Variants in CYP19A1 observed in about 807,000 individuals in gnomAD.
CYP19A1 encodes the protein cytochrome P450 family 19 subfamily A member 1.
In CYP19A1, 32 loss-of-function variants were observed where a neutral mutation model predicts 44.4. The ratio of observed to expected loss-of-function variants is 0.72; its 90% confidence interval spans 0.54 to 0.97. The LOEUF (loss-of-function observed/expected upper bound fraction) is 0.97. CYP19A1 is among the 50% of genes least tolerant of loss of function. The pLI, the probability that CYP19A1 is intolerant of heterozygous loss-of-function variation, is 0.00. For missense variants in CYP19A1, 598 were observed against 637.8 expected (o/e 0.94, Z 0.67); for synonymous variants, 212 against 215.6 (o/e 0.98, Z 0.14).
At chr15:51,275,921 C>T (rs28757136) in intron 1 of CYP19A1, among the ~76,000 whole-genome samples, 3 of 152,152 alleles carry the variant, frequency 2.0e-5, no homozygotes, top group Non-Finnish European at 2.9e-5. Flanking sequence ...TGTGTCCCCC[C>T]GGCCAGCCCC....
intron 1 of CYP19A1, chr15:51,255,805 C>G (rs2034492326): frequency 6.6e-6 from 1 of 152,124 alleles, no homozygotes; most frequent in African/African-American, 2.4e-5. Flanking sequence ...GAACAAGCAC[C>G]CTGGAGGTGA....
chr15:51,328,937 A>C lies in CYP19A1; in HGVS notation c.-39+9558T>G, dbSNP rs78407873. Among the ~76,000 whole-genome samples, 2,314 of 152,222 alleles carry C rather than the reference A, an allele frequency of 0.015. 198 individuals carry two copies. The East Asian group carries it at 0.25, about 17-fold the overall frequency. On this transcript the variant is annotated intron_variant, in intron 1 of 9. Transcript: ENST00000396402. ...GATGCTGGCTTCTTCCTGCCTTCAG[A>C]TACAAACTGAAACATTGGCTCTTCC...
chr15:51,284,639 A>T (rs2035637637), intron 1 of CYP19A1, among the ~76,000 whole-genome samples: 1 of 152,246 alleles, frequency 6.6e-6, no homozygotes, highest in South Asian at 2.1e-4. Flanking sequence ...CTGCATATGT[A>T]ATTGCATTTA....
At position 51,236,897 on chromosome 15, in the gene CYP19A1, T is replaced by A. The variant is rs1482551962; in HGVS notation, c.258A>T (p.Arg86=). ...YYNRVYGEFM[R]VWISGEETLI... ...GTGTTTCCTCTCCAGAGATCCAGAC[T>A]CGCATGAATTCTCCATATACCCGGT... Residue 86 remains arginine (R), a synonymous_variant, in exon 3 of 10, where the codon CGA becomes CGT. Transcript: ENST00000396402. 1 of 1,614,090 alleles carries A rather than the reference T, an allele frequency of 6.2e-7. No homozygotes were observed. Among genetic ancestry groups the A allele is most frequent in the African/African-American group, 1.3e-5 (1 of 74,942 alleles).
At chr15:51,249,457 C>T (rs1381299504) in intron 1 of CYP19A1, among the ~76,000 whole-genome samples, 4 of 152,130 alleles carry the variant, frequency 2.6e-5, no homozygotes, top group Non-Finnish European at 4.4e-5. Flanking sequence ...TTTTTCTCTC[C>T]GACATGGGTC....
In CYP19A1 at chr15:51,218,497, C is replaced by G. The variant is rs59196885; in HGVS notation, c.743+44G>C. The G allele has an allele frequency of 4.5e-5, 71 of 1,577,742 alleles. No individual in the cohort carries two copies. In the African/African-American group the frequency reaches 6.8e-4, roughly 15 times the overall value. Reference sequence around the variant, plus strand: ...CAGCAAAGACACAAGGGAAAAAAACCAATCCAATTGTACTCATAAATCTTC... The same window carrying G: ...CAGCAAAGACACAAGGGAAAAAAACGAATCCAATTGTACTCATAAATCTTC... On this transcript the variant is annotated intron_variant, in intron 6 of 9. Transcript: ENST00000396402.
chr15:51,297,128 C>T (rs989523260), intron 1 of CYP19A1, among the ~76,000 whole-genome samples: 5 of 152,196 alleles, frequency 3.3e-5, no homozygotes, highest in Non-Finnish European at 5.9e-5. Flanking sequence ...AACAGGTTCG[C>T]GCAGCCCTAG....
chr15:51,232,450 C>T (rs1490646290), intron 3 of CYP19A1, among the ~76,000 whole-genome samples: 1 of 152,128 alleles, frequency 6.6e-6, no homozygotes, highest in Non-Finnish European at 1.5e-5. Flanking sequence ...TAGTTTCTGA[C>T]CTATTTACAC....
chr15:51,212,588 GA>G, intron 8 of CYP19A1, 27 bp from the exon 9 acceptor site: 1 of 1,376,294 alleles, frequency 7.3e-7, no homozygotes, highest in Non-Finnish European at 1.0e-6. Flanking sequence ...AAGGAACAAA[GA>G]AGGTAATGTT....
intron 1 of CYP19A1, among the ~76,000 whole-genome samples, chr15:51,302,262 A>G (rs1419486102): frequency 1.3e-5 from 2 of 152,140 alleles, no homozygotes; most frequent in African/African-American, 4.8e-5. Flanking sequence ...GGGCATATTC[A>G]CTTTTTGGGG....
chr15:51,263,793 G>T (rs1270538931), intron 1 of CYP19A1, among the ~76,000 whole-genome samples: 1 of 152,228 alleles, frequency 6.6e-6, no homozygotes, highest in Non-Finnish European at 1.5e-5. Flanking sequence ...CTGAGAGGAA[G>T]AAATGAGATT....
chr15:51,278,470 T>C (rs2035405078), intron 1 of CYP19A1, among the ~76,000 whole-genome samples: 1 of 152,190 alleles, frequency 6.6e-6, no homozygotes, highest in South Asian at 2.1e-4. Flanking sequence ...AATAGATTCA[T>C]GCACACACAT....
At chr15:51,301,936 T>G (rs2036122712) in intron 1 of CYP19A1, among the ~76,000 whole-genome samples, 1 of 152,230 alleles carries the variant, frequency 6.6e-6, no homozygotes, top group South Asian at 2.1e-4. Context: ...TTCACAAGAT[T>G]CCTTCTGTAA....
At chr15:51,218,695 T>C in intron 5 of CYP19A1, 40 bp from the exon 6 acceptor site, 1 of 1,584,992 alleles carries the variant, frequency 6.3e-7, no homozygotes, top group Non-Finnish European at 8.6e-7. Context: ...GAAAGAGCAG[T>C]TGAGCAAAAT....
chr15:51,325,650 T>C (rs1256417959), intron 1 of CYP19A1, among the ~76,000 whole-genome samples: 4 of 151,920 alleles, frequency 2.6e-5, no homozygotes, highest in East Asian at 1.9e-4. Flanking sequence ...CCATCCTGGC[T>C]AACACGGTGA....
At chr15:51,231,280 C>T (rs557622285) in intron 3 of CYP19A1, among the ~76,000 whole-genome samples, 1 of 152,254 alleles carries the variant, frequency 6.6e-6, no homozygotes, top group African/African-American at 2.4e-5. Context: ...TAGTAAATGA[C>T]ACCCTGATGA....
At chr15:51,264,241 G>A (rs1027282420) in intron 1 of CYP19A1, among the ~76,000 whole-genome samples, 1 of 152,132 alleles carries the variant, frequency 6.6e-6, no homozygotes, top group Non-Finnish European at 1.5e-5. Context: ...CAGGTTCACC[G>A]CTGTGTCCAT....
intron 1 of CYP19A1, among the ~76,000 whole-genome samples, chr15:51,273,044 C>T (rs1387810792): frequency 2.6e-5 from 4 of 152,022 alleles, no homozygotes; most frequent in Admixed American, 6.5e-5. Context: ...CTGCAACCTC[C>T]GCCCTTCTGG....
In CYP19A1 at chr15:51,293,706, GC is replaced by G. The variant is rs550703695; in HGVS notation, c.-39+44788del. On this transcript the variant is annotated intron_variant, in intron 1 of 9. Coordinates refer to ENST00000396402, the MANE Select transcript of CYP19A1 (RefSeq NM_000103.4). ...CCAGTGCCTGCGATTGCAGGCGCGC[GC>G]CGCCACGCCTGACTGTTTTTCGTAC... 1.4e-3 allele frequency: 213 copies of G among 157,706 alleles called. 4 individuals carry two copies. The highest frequency in any genetic ancestry group is 0.01 in the East Asian group (55 of 5,342). The allele number at this position is 157,706 out of a possible 1,614,324, so 9.8% of individuals were successfully genotyped here. A position where few individuals can be genotyped will look rare whatever the true frequency, so the allele number is the denominator to read the frequency against.
Sources: allele counts gnomAD v4.1 joint callset (sites outside exome capture counted in the v4.1 genomes callset), GRCh38; gene constraint gnomAD v4.1.1; transcripts MANE v1.5; gene names NCBI Gene and HGNC (gene_info 2026-07-23, HGNC 2026-07-21).